Variants in ADD3 observed in about 807,000 individuals in gnomAD.
ADD3 encodes gamma-adducin.
ADD3 carries 25 observed loss-of-function variants against 80.2 expected under a neutral mutation model. The ratio of observed to expected loss-of-function variants is 0.31; its 90% CI spans 0.23 to 0.44. The LOEUF (loss-of-function observed/expected upper bound fraction) is 0.44. Among genes scored for constraint, ADD3 ranks in the 20% least tolerant of loss-of-function variants. The pLI is 1.00. For synonymous variants in ADD3, 284 were observed against 289.6 expected (o/e 0.98, Z 0.20); for missense variants, 829 against 847.5 (o/e 0.98, Z 0.27).
intron 9 of ADD3, 145 bp from the exon 10 acceptor site, chr10:110,123,872 G>A: frequency 1.3e-6 from 1 of 781,628 alleles, no homozygotes; most frequent in South Asian, 1.8e-5. Context: ...TTACATGAAA[G>A]TTATGTGGTG....
chr10:110,018,526 CAAAAAAA>C (rs59949041), intron 1 of ADD3, among the ~76,000 whole-genome samples: 134 of 49,542 alleles, frequency 2.7e-3, no homozygotes, highest in African/African-American at 5.7e-3. Context: ...GACTTTGTCT[CAAAAAAA>C]AAAAAAAAAA....
intron 1 of ADD3, among the ~76,000 whole-genome samples, chr10:110,086,241 C>G (rs1007345157): frequency 4.6e-5 from 7 of 152,010 alleles, no homozygotes; most frequent in Non-Finnish European, 7.4e-5. Context: ...GAAACCTCAT[C>G]TCTACTAAAT....
chr10:110,074,583 T>A (rs1426333535), intron 1 of ADD3, among the ~76,000 whole-genome samples: 1 of 152,090 alleles, frequency 6.6e-6, no homozygotes, highest in Non-Finnish European at 1.5e-5. Context: ...TCCTTTTTTT[T>A]TTTTTATCTT....
chr10:110,103,707 T>C (rs1191198894), intron 2 of ADD3, among the ~76,000 whole-genome samples: 3 of 152,130 alleles, frequency 2.0e-5, no homozygotes, highest in Non-Finnish European at 4.4e-5. Flanking sequence ...GGTTACTATT[T>C]ATTTATTTAG....
chr10:110,066,196 C>T (rs1281487020), intron 1 of ADD3, among the ~76,000 whole-genome samples: 1 of 152,106 alleles, frequency 6.6e-6, no homozygotes, highest in Non-Finnish European at 1.5e-5. Flanking sequence ...GCAAGGGAGA[C>T]TTTTTCCATT....
chr10:110,132,687 G>T (rs1853181045), intron 14 of ADD3: 2 of 276,936 alleles, frequency 7.2e-6, no homozygotes, highest in Non-Finnish European at 1.4e-5. Flanking sequence ...CAGCACTTTG[G>T]GAGGCTGAGG....
chr10:110,019,955 A>C (rs1564846570), intron 1 of ADD3, among the ~76,000 whole-genome samples: 1 of 152,368 alleles, frequency 6.6e-6, no homozygotes, highest in South Asian at 2.1e-4. Flanking sequence ...TTCGGAAGCT[A>C]GAGCCTTTGG....
chr10:110,084,930 A>G (rs1220122680), intron 1 of ADD3, among the ~76,000 whole-genome samples: 3 of 152,178 alleles, frequency 2.0e-5, no homozygotes, highest in Non-Finnish European at 4.4e-5. Context: ...CCTGAATTTG[A>G]TATTAGACTT....
chr10:110,009,367 A>G (rs1017751613), intron 1 of ADD3, among the ~76,000 whole-genome samples: 3 of 152,204 alleles, frequency 2.0e-5, no homozygotes, highest in Non-Finnish European at 2.9e-5. Context: ...TTCTGACTAC[A>G]TAGTGCAGGG....
intron 1 of ADD3, among the ~76,000 whole-genome samples, chr10:110,021,639 A>G (rs987043579): frequency 2.0e-5 from 3 of 152,238 alleles, no homozygotes; most frequent in Non-Finnish European, 2.9e-5. Context: ...TTCCACTTAC[A>G]TGAAATGTCT....
intron 3 of ADD3, among the ~76,000 whole-genome samples, chr10:110,115,161 A>C (rs557029599): frequency 1.3e-5 from 2 of 152,022 alleles, no homozygotes; most frequent in East Asian, 3.9e-4. Flanking sequence ...AGGCCAAGGC[A>C]GGTGGATCAT....
intron 13 of ADD3, among the ~76,000 whole-genome samples, chr10:110,130,926 A>C (rs1240594516): frequency 6.6e-6 from 1 of 152,200 alleles, no homozygotes; most frequent in Non-Finnish European, 1.5e-5. Flanking sequence ...TCTTCTAGAA[A>C]GTGAGATTCC....
intron 12 of ADD3, among the ~76,000 whole-genome samples, chr10:110,128,618 C>T (rs562003917): frequency 2.6e-5 from 4 of 152,154 alleles, no homozygotes; most frequent in East Asian, 1.9e-4. Flanking sequence ...AGGGTTTCAC[C>T]GCGTTAGCCA....
At chr10:110,068,208 C>T (rs562980664) in intron 1 of ADD3, among the ~76,000 whole-genome samples, 1 of 151,948 alleles carries the variant, frequency 6.6e-6, no homozygotes, top group African/African-American at 2.4e-5. Context: ...CTCCTTTTCC[C>T]GCTTCCACCG....
At chr10:110,062,355 T>C (rs1254138263) in intron 1 of ADD3, among the ~76,000 whole-genome samples, 1 of 151,460 alleles carries the variant, frequency 6.6e-6, no homozygotes, top group Non-Finnish European at 1.5e-5. Context: ...GATCATGCCA[T>C]TGCATGCCAA....
At position 110,119,313 on chromosome 10, in the gene ADD3, G is replaced by A; in HGVS notation, c.820G>A (p.Glu274Lys). ...DYQGSLEEQE[E>K]RIQLQKVLGP... ...CCAAGGGTCACTTGAAGAACAGGAG[G>A]AGAGAATTCAACTGCAGAAGGTTCT... The change falls in exon 7 of 15, where the codon GAG becomes AAG. Residue 274 changes from glutamate to lysine, a missense_variant. Coordinates refer to ENST00000356080, the MANE Select transcript of ADD3 (RefSeq NM_016824.5). The A allele has an allele frequency of 1.2e-6, 2 of 1,614,172 alleles. No homozygotes were observed. The highest frequency in any genetic ancestry group is 1.7e-6 in the Non-Finnish European group (2 of 1,180,004).
chr10:110,116,550 T>A, intron 4 of ADD3, 140 bp downstream of exon 4: 1 of 807,014 alleles, frequency 1.2e-6, no homozygotes. Flanking sequence ...AAATACTGAT[T>A]TAAACCTTAT....
At chr10:110,108,548 T>A (rs1288883609) in intron 2 of ADD3, among the ~76,000 whole-genome samples, 1 of 152,122 alleles carries the variant, frequency 6.6e-6, no homozygotes, top group Admixed American at 6.5e-5. Context: ...AAAAATATGA[T>A]TAACTACCCA....
At chr10:110,049,516 A>G (rs1857258615) in intron 1 of ADD3, among the ~76,000 whole-genome samples, 1 of 152,242 alleles carries the variant, frequency 6.6e-6, no homozygotes, top group Non-Finnish European at 1.5e-5. Context: ...GCTCAAGATC[A>G]TAGGAACCCA....
Sources: gnomAD v4.1 joint callset for allele counts (sites outside exome capture counted in the v4.1 genomes callset) on GRCh38, gnomAD v4.1.1 for gene constraint, MANE v1.5 for transcripts, NCBI Gene and HGNC (gene_info 2026-07-23, HGNC 2026-07-21) for gene names.